RMDN2: variants seen among roughly 807,000 people sequenced by gnomAD.
RMDN2 encodes the protein regulator of microtubule dynamics 2.
A neutral mutation model predicts 52.8 loss-of-function variants in RMDN2; 61 were observed. The ratio of observed to expected loss-of-function variants is 1.16; its 90% CI spans 0.94 to 1.43. RMDN2 has a LOEUF of 1.43. Ranked by LOEUF, RMDN2 falls within the 40% of genes most tolerant of loss-of-function variation. RMDN2 has a pLI of 0.00. For synonymous variants in RMDN2, 180 were observed against 153.1 expected, an observed-to-expected ratio of 1.18 and a Z score of -1.30; for missense variants, 592 against 475.3, an observed-to-expected ratio of 1.25 and a Z score of -2.28.
chr2:37,951,964 A>G, intron 2 of RMDN2: 5 of 1,613,438 alleles, frequency 3.1e-6, no homozygotes, highest in Non-Finnish European at 4.2e-6. Flanking sequence ...GATTTCCTTC[A>G]TCCTCGTCCT....
chr2:37,970,052 C>A (rs2125056113), intron 2 of RMDN2, among the ~76,000 whole-genome samples: 1 of 152,230 alleles, frequency 6.6e-6, no homozygotes, highest in Non-Finnish European at 1.5e-5. Flanking sequence ...CTCACCTCAC[C>A]CTCCTGAGTA....
At chr2:38,062,904 G>C (rs1682116025) in intron 10 of RMDN2, among the ~76,000 whole-genome samples, 2 of 151,926 alleles carry the variant, frequency 1.3e-5, no homozygotes, top group African/African-American at 2.4e-5. Flanking sequence ...TGCTGAGAAT[G>C]ATGGTTTACA....
intron 2 of RMDN2, among the ~76,000 whole-genome samples, chr2:37,966,570 C>G (rs1170907982): frequency 6.6e-6 from 1 of 152,110 alleles, no homozygotes; most frequent in African/African-American, 2.4e-5. Flanking sequence ...CATGAGGCCC[C>G]GTAGGTCCTT....
chr2:37,949,515 T>C (rs747903023), intron 2 of RMDN2, among the ~76,000 whole-genome samples: 2 of 152,120 alleles, frequency 1.3e-5, no homozygotes, highest in Non-Finnish European at 2.9e-5. Flanking sequence ...AAGTCTTCTG[T>C]CTCTAACCCA....
At chr2:38,004,920 T>C (rs931697536) in intron 10 of RMDN2, among the ~76,000 whole-genome samples, 2 of 151,990 alleles carry the variant, frequency 1.3e-5, no homozygotes, top group African/African-American at 4.8e-5. Context: ...GATTGTTCAG[T>C]TCCCACCTAT....
chr2:37,976,730 AAACTT>A lies in RMDN2; in HGVS notation c.730+1420_730+1424del, dbSNP rs1363846018. Among the ~76,000 whole-genome samples the A allele has an allele frequency of 2.0e-5, 3 of 152,236 alleles. No individual in the cohort carries two copies. In the East Asian group the frequency reaches 5.8e-4, roughly 29 times the overall value. ...GATGTATTAATTTCAACATAAATAA[AAACTT>A]AACCAAGGAGAACAAGGGGATTTAT... On this transcript the variant is annotated intron_variant, in intron 4 of 10. Transcript: ENST00000354545.
chr2:38,058,682 G>A (rs962751655), intron 10 of RMDN2, among the ~76,000 whole-genome samples: 15 of 152,238 alleles, frequency 9.9e-5, no homozygotes, highest in African/African-American at 2.4e-4. Flanking sequence ...CAAGGTGTTC[G>A]TTTTCTGTGT....
intron 2 of RMDN2, among the ~76,000 whole-genome samples, chr2:37,971,384 A>T (rs1302891961): frequency 6.6e-6 from 1 of 152,164 alleles, no homozygotes; most frequent in Non-Finnish European, 1.5e-5. Flanking sequence ...TAAACTGATC[A>T]TAATTTTAAG....
At chr2:37,979,875 A>G (rs908914025) in intron 4 of RMDN2, among the ~76,000 whole-genome samples, 13 of 152,206 alleles carry the variant, frequency 8.5e-5, no homozygotes, top group African/African-American at 1.4e-4. Flanking sequence ...ATGTTTTTAC[A>G]TTAAAAAGCA....
intron 10 of RMDN2, chr2:38,066,839 G>A (rs1682303526): frequency 4.4e-6 from 3 of 676,866 alleles, no homozygotes; most frequent in East Asian, 2.7e-5. Context: ...AGATCCTACT[G>A]TCATACATCT....
intron 5 of RMDN2, among the ~76,000 whole-genome samples, chr2:37,985,582 G>A (rs1316530067): frequency 6.6e-6 from 1 of 152,130 alleles, no homozygotes; most frequent in Non-Finnish European, 1.5e-5. Context: ...CAATCTGGGG[G>A]TGATTCTAGG....
chr2:37,963,968 G>A lies in RMDN2; in HGVS notation c.453-10072G>A, dbSNP rs183945988. 8.7e-4 allele frequency among the ~76,000 whole-genome samples: 132 copies of A among 150,904 alleles called. 2 individuals are homozygous for A. In the East Asian group the frequency reaches 0.022, roughly 25 times the overall value. Reference sequence around the variant, plus strand: ...GTGCCCCCCACCTCCCTCCCGGACAGGGCGGCTGGCCGGGCGGGGGCTGCC... The same window carrying A: ...GTGCCCCCCACCTCCCTCCCGGACAAGGCGGCTGGCCGGGCGGGGGCTGCC... On this transcript the variant is annotated intron_variant, in intron 2 of 10. Transcript: ENST00000354545.
chr2:38,064,413 C>G (rs953959390), intron 10 of RMDN2, among the ~76,000 whole-genome samples: 6 of 149,406 alleles, frequency 4.0e-5, no homozygotes, highest in East Asian at 1.9e-4. Context: ...TCACTTGAAC[C>G]TGGGAGGCGG....
intron 10 of RMDN2, among the ~76,000 whole-genome samples, chr2:38,040,800 A>T (rs1476087602): frequency 1.3e-5 from 2 of 152,228 alleles, no homozygotes; most frequent in African/African-American, 4.8e-5. Context: ...TCTACAGATC[A>T]GGTTAGGAAA....
At chr2:38,050,631 G>C (rs1681534695) in intron 10 of RMDN2, among the ~76,000 whole-genome samples, 1 of 152,180 alleles carries the variant, frequency 6.6e-6, no homozygotes, top group East Asian at 1.9e-4. Context: ...AAAAGGATGA[G>C]GCAGGGCAAA....
chr2:38,002,575 A>G (rs1354546818), intron 8 of RMDN2, among the ~76,000 whole-genome samples: 1 of 152,236 alleles, frequency 6.6e-6, no homozygotes. Flanking sequence ...ATAATTGACA[A>G]GAATTATATA....
At chr2:38,032,176 C>T (rs374996745) in intron 10 of RMDN2, among the ~76,000 whole-genome samples, 4 of 152,138 alleles carry the variant, frequency 2.6e-5, no homozygotes, top group East Asian at 1.9e-4. Context: ...TTAACACCAG[C>T]GTAACCCCTA....
At chr2:37,997,030 G>C (rs1290227558) in intron 7 of RMDN2, among the ~76,000 whole-genome samples, 1 of 152,100 alleles carries the variant, frequency 6.6e-6, no homozygotes, top group Non-Finnish European at 1.5e-5. Flanking sequence ...CCTGTGTGCT[G>C]TACGAAGAGA....
At chr2:37,989,221 T>C (rs1674435137) in intron 5 of RMDN2, among the ~76,000 whole-genome samples, 1 of 152,142 alleles carries the variant, frequency 6.6e-6, no homozygotes, top group Non-Finnish European at 1.5e-5. Flanking sequence ...ACTTTAATAT[T>C]GATGATGATG....
Sources: allele counts gnomAD v4.1 joint callset (sites outside exome capture counted in the v4.1 genomes callset), GRCh38; gene constraint gnomAD v4.1.1; transcripts MANE v1.5; gene names NCBI Gene and HGNC (gene_info 2026-07-23, HGNC 2026-07-21).